Variants in KIAA1217 observed in about 807,000 individuals in gnomAD.
KIAA1217 encodes the protein KIAA1217.
Under a neutral mutation model 163.9 loss-of-function variants are expected in KIAA1217, and 88 were observed. The observed-to-expected ratio is 0.54, with a 90% confidence interval of 0.45 to 0.64. The LOEUF is 0.64. Ranked by LOEUF, KIAA1217 falls within the 30% of genes least tolerant of loss-of-function variation. KIAA1217 has a pLI of 0.00. For missense variants in KIAA1217, 2,372 were observed against 2,475.0 expected (o/e 0.96, Z 0.88); for synonymous variants, 903 against 923.1 (o/e 0.98, Z 0.39).
Position 24,050,584 on chromosome 10 carries a change from G to C in KIAA1217, c.-171+43210G>C, listed in dbSNP as rs111357165. On this transcript the variant is annotated intron_variant, in intron 2 of 18. Coordinates refer to the KIAA1217 transcript ENST00000376462. ...GAAATCTTTTTCCCATTGCTTGTTT[G>C]TGTCAGGTTTGTCAAAGATCAGATG... Among the ~76,000 whole-genome samples, 909 of 152,132 alleles carry C rather than the reference G, an allele frequency of 6.0e-3. 7 individuals are homozygous for C. The highest frequency in any genetic ancestry group is 0.011 in the Non-Finnish European group (721 of 67,916).
At chr10:23,768,608 A>G (rs1834653652) in intron 1 of KIAA1217, among the ~76,000 whole-genome samples, 7 of 152,242 alleles carry the variant, frequency 4.6e-5, no homozygotes, top group Admixed American at 3.9e-4. Context: ...TGAGGAAAGT[A>G]TAAGTTGCCA....
chr10:24,296,898 G>A (rs988816714), intron 2 of KIAA1217, among the ~76,000 whole-genome samples: 7 of 152,144 alleles, frequency 4.6e-5, no homozygotes, highest in Non-Finnish European at 2.9e-5. Context: ...AATCTTATCA[G>A]CTGTGATCTT....
intron 1 of KIAA1217, among the ~76,000 whole-genome samples, chr10:23,955,754 C>A (rs1396442419): frequency 6.6e-6 from 1 of 152,174 alleles, no homozygotes; most frequent in East Asian, 1.9e-4. Context: ...GAGAGCTTAA[C>A]TATAATCCTT....
intron 2 of KIAA1217, among the ~76,000 whole-genome samples, chr10:24,160,482 T>C (rs1290887966): frequency 2.0e-5 from 3 of 152,198 alleles, no homozygotes; most frequent in Non-Finnish European, 4.4e-5. Context: ...TTGGATGCTA[T>C]ATGAATGGTA....
chr10:23,895,672 G>T (rs936059698), intron 1 of KIAA1217, among the ~76,000 whole-genome samples: 7 of 151,996 alleles, frequency 4.6e-5, no homozygotes, highest in Non-Finnish European at 1.5e-5. Flanking sequence ...AAATTATGCT[G>T]CTATAAAGAC....
At chr10:24,040,044 C>G (rs1470159207) in intron 2 of KIAA1217, among the ~76,000 whole-genome samples, 1 of 152,202 alleles carries the variant, frequency 6.6e-6, no homozygotes, top group Non-Finnish European at 1.5e-5. Flanking sequence ...TCTATCCACA[C>G]TGCATGGGAT....
At chr10:23,966,439 A>G (rs1336541707) in intron 1 of KIAA1217, among the ~76,000 whole-genome samples, 1 of 152,138 alleles carries the variant, frequency 6.6e-6, no homozygotes, top group East Asian at 1.9e-4. Flanking sequence ...CCAACCCACC[A>G]GGGTGGGCTG....
intron 9 of KIAA1217, among the ~76,000 whole-genome samples, chr10:24,505,713 T>C (rs1304773596): frequency 4.6e-5 from 7 of 152,024 alleles, no homozygotes; most frequent in African/African-American, 1.7e-4. Flanking sequence ...AATAAAAAAT[T>C]GGGTTGTTCA....
chr10:24,321,522 A>G (rs954377169), intron 2 of KIAA1217, among the ~76,000 whole-genome samples: 1 of 152,102 alleles, frequency 6.6e-6, no homozygotes, highest in African/African-American at 2.4e-5. Flanking sequence ...AACAGAGAGC[A>G]AGGCTTCATC....
chr10:24,147,706 G>C (rs1406139483), intron 2 of KIAA1217, among the ~76,000 whole-genome samples: 1 of 151,634 alleles, frequency 6.6e-6, no homozygotes, highest in Non-Finnish European at 1.5e-5. Flanking sequence ...GGTGGCACGT[G>C]CCTGTAATCC....
intron 1 of KIAA1217, among the ~76,000 whole-genome samples, chr10:23,756,118 G>A (rs547445468): frequency 3.1e-4 from 46 of 149,728 alleles, no homozygotes; most frequent in African/African-American, 9.7e-4. Context: ...CACCACACCC[G>A]GCTAATTTTC....
chr10:24,479,494 T>TA (rs1411152495), intron 6 of KIAA1217, among the ~76,000 whole-genome samples: 1 of 151,822 alleles, frequency 6.6e-6, no homozygotes, highest in Non-Finnish European at 1.5e-5. Context: ...CCTAAGTAGT[T>TA]ACAGTTAGCA....
intron 2 of KIAA1217, among the ~76,000 whole-genome samples, chr10:24,086,895 G>A (rs998845033): frequency 2.0e-5 from 3 of 152,146 alleles, no homozygotes; most frequent in Non-Finnish European, 2.9e-5. Context: ...TTTGTCCCGT[G>A]GGAACTGTAA....
At chr10:24,232,661 G>A (rs2071582963) in intron 2 of KIAA1217, among the ~76,000 whole-genome samples, 1 of 152,148 alleles carries the variant, frequency 6.6e-6, no homozygotes, top group Admixed American at 6.5e-5. Flanking sequence ...CATAGATGCA[G>A]AACTCATACT....
At chr10:24,197,890 G>A (rs2067065506) in intron 2 of KIAA1217, among the ~76,000 whole-genome samples, 1 of 152,206 alleles carries the variant, frequency 6.6e-6, no homozygotes, top group Non-Finnish European at 1.5e-5. Flanking sequence ...GAAATGCATG[G>A]ACCTGACACC....
intron 2 of KIAA1217, among the ~76,000 whole-genome samples, chr10:24,181,493 T>G (rs1449665640): frequency 6.6e-6 from 1 of 152,166 alleles, no homozygotes; most frequent in African/African-American, 2.4e-5. Flanking sequence ...AGCAAGGTAA[T>G]GCATGGCTGG....
chr10:24,227,705 T>G (rs1465531526), intron 2 of KIAA1217, among the ~76,000 whole-genome samples: 3 of 151,968 alleles, frequency 2.0e-5, no homozygotes, highest in African/African-American at 7.3e-5. Context: ...GCTAATTTTT[T>G]GTATTTTTAG....
At chr10:24,210,040 A>G (rs149103421) in intron 1 of KIAA1217, among the ~76,000 whole-genome samples, 1,939 of 152,152 alleles carry the variant, frequency 0.013, 31 homozygotes, top group South Asian at 0.034. Flanking sequence ...GTGGGATCCT[A>G]TAGGCAGCAT....
At chr10:23,962,644 C>G (rs1844866371) in intron 1 of KIAA1217, among the ~76,000 whole-genome samples, 1 of 152,172 alleles carries the variant, frequency 6.6e-6, no homozygotes, top group Non-Finnish European at 1.5e-5. Flanking sequence ...CCGTATCCCA[C>G]CCAAGGAGTA....
Sources: allele counts gnomAD v4.1 joint callset (sites outside exome capture counted in the v4.1 genomes callset), GRCh38; gene constraint gnomAD v4.1.1; transcripts MANE v1.5; gene names NCBI Gene and HGNC (gene_info 2026-07-23, HGNC 2026-07-21).